Variants in ANKRD30A observed in about 807,000 individuals in gnomAD.
The protein encoded by ANKRD30A is ankyrin repeat domain 30A, also known as ankyrin repeat domain-containing protein 30A.
ANKRD30A carries 170 observed loss-of-function variants against 166.3 expected under a neutral mutation model. The ratio of observed to expected loss-of-function variants is 1.02; its 90% CI spans 0.90 to 1.16. The LOEUF (loss-of-function observed/expected upper bound fraction) is 1.16, where lower values mean the gene tolerates loss of function less well. Among genes scored for constraint, ANKRD30A ranks in the 50% most tolerant of loss-of-function variants. The pLI, the probability that ANKRD30A is intolerant of heterozygous loss-of-function variation, is 0.00. For missense variants in ANKRD30A, 1,630 were observed against 1,518.0 expected (o/e 1.07, Z -1.23); for synonymous variants, 564 against 508.9 (o/e 1.11, Z -1.46).
At chr10:37,206,634 A>G (rs2132709119) in intron 31 of ANKRD30A, among the ~76,000 whole-genome samples, 1 of 152,168 alleles carries the variant, frequency 6.6e-6, no homozygotes, top group Admixed American at 6.5e-5. Context: ...TACTAAAAAT[A>G]CAAAAATTAA....
intron 24 of ANKRD30A, among the ~76,000 whole-genome samples, chr10:37,183,888 T>A (rs1438545111): frequency 6.7e-6 from 1 of 148,836 alleles, no homozygotes; most frequent in Non-Finnish European, 1.5e-5. Flanking sequence ...GTGGCTCACG[T>A]CTGTAACGCC....
chr10:37,184,211 G>T (rs1840251143), intron 24 of ANKRD30A, among the ~76,000 whole-genome samples: 1 of 144,290 alleles, frequency 6.9e-6, no homozygotes, highest in Non-Finnish European at 1.5e-5. Context: ...CAGAGAAGAA[G>T]AAGAAAAAGA....
chr10:37,208,383 C>A (rs1473144818), intron 31 of ANKRD30A, among the ~76,000 whole-genome samples: 2 of 152,074 alleles, frequency 1.3e-5, no homozygotes, highest in Non-Finnish European at 2.9e-5. Flanking sequence ...CACAGACTTG[C>A]CGATAACCTG....
chr10:37,230,126 CA>C (rs1428333133), intron 34 of ANKRD30A, among the ~76,000 whole-genome samples: 1 of 151,644 alleles, frequency 6.6e-6, no homozygotes, highest in Non-Finnish European at 1.5e-5. Flanking sequence ...CTGAACTCTC[CA>C]AAATGAAAAC....
chr10:37,179,013 AATATAT>A (rs139390228), intron 24 of ANKRD30A, among the ~76,000 whole-genome samples: 4,390 of 115,552 alleles, frequency 0.038, 5 homozygotes, highest in South Asian at 0.062. Context: ...TGAGGCGTCA[AATATAT>A]ATATATATAT....
chr10:37,194,468 G>A (rs1418222350), intron 27 of ANKRD30A, among the ~76,000 whole-genome samples: 2 of 151,848 alleles, frequency 1.3e-5, no homozygotes, highest in African/African-American at 4.8e-5. Context: ...AGCCTCCCGA[G>A]TAGCTGGGAC....
At chr10:37,153,377 C>A (rs17590336) in intron 12 of ANKRD30A, among the ~76,000 whole-genome samples, 195 bp from the exon 13 acceptor site, 1 of 152,062 alleles carries the variant, frequency 6.6e-6, no homozygotes, top group Non-Finnish European at 1.5e-5. Flanking sequence ...ATGTAAAGAT[C>A]AGCTTGATGT....
intron 21 of ANKRD30A, among the ~76,000 whole-genome samples, chr10:37,171,749 A>G (rs1839581421): frequency 6.6e-6 from 1 of 151,064 alleles, no homozygotes; most frequent in Non-Finnish European, 1.5e-5. Flanking sequence ...TTTGTTTATA[A>G]TGAAAAGAGT....
chr10:37,199,330 G>A (rs1482760383), intron 29 of ANKRD30A, among the ~76,000 whole-genome samples: 4 of 151,982 alleles, frequency 2.6e-5, no homozygotes, highest in Non-Finnish European at 5.9e-5. Context: ...AATAGAGATT[G>A]CTGAGTCAAT....
intron 18 of ANKRD30A, among the ~76,000 whole-genome samples, chr10:37,165,798 C>T (rs1241716378): frequency 4.6e-5 from 7 of 151,996 alleles, no homozygotes; most frequent in Non-Finnish European, 1.0e-4. Context: ...GCAGCATGAG[C>T]GTCAAATCAT....
At chr10:37,246,538 T>C in the ANKRD30A span, among the ~76,000 whole-genome samples, 1 of 152,234 alleles carries the variant, frequency 6.6e-6, no homozygotes, top group East Asian at 1.9e-4. Flanking sequence ...AATTCTCTTA[T>C]AATTCTTAAA....
intron 31 of ANKRD30A, among the ~76,000 whole-genome samples, chr10:37,206,442 A>G (rs1213753169): frequency 6.6e-6 from 1 of 152,154 alleles, no homozygotes; most frequent in African/African-American, 2.4e-5. Context: ...TTTAAGTGAG[A>G]TAAATTTGAA....
chr10:37,215,371 G>T (rs1842550230), intron 31 of ANKRD30A, among the ~76,000 whole-genome samples: 1 of 151,334 alleles, frequency 6.6e-6, no homozygotes, highest in Non-Finnish European at 1.5e-5. Context: ...TGACTCACAT[G>T]CAATCTTTAT....
At chr10:37,142,343 G>A (rs1837203137) in intron 7 of ANKRD30A, 53 bp downstream of exon 7, 3 of 1,492,046 alleles carry the variant, frequency 2.0e-6, no homozygotes, top group African/African-American at 1.4e-5. Flanking sequence ...AGGTTCCCTA[G>A]TGAAAAAAGT....
chr10:37,153,458 T>A (rs1254333188), intron 12 of ANKRD30A, 114 bp from the exon 13 acceptor site: 3 of 1,506,450 alleles, frequency 2.0e-6, no homozygotes, highest in South Asian at 1.2e-5. Flanking sequence ...TAAGTCGAAT[T>A]GTTTGCAAAG....
chr10:37,210,151 C>T (rs557560048), intron 31 of ANKRD30A, among the ~76,000 whole-genome samples: 2 of 152,108 alleles, frequency 1.3e-5, no homozygotes, highest in East Asian at 1.9e-4. Flanking sequence ...TGTGATGTTC[C>T]CCTCCCTGTG....
At chr10:37,232,654 T>TTA (rs10559316), downstream of ANKRD30A, 287 of 54,166 alleles carry the variant, frequency 5.3e-3, 2 homozygotes, top group Middle Eastern at 0.012. Context: ...AGCATTGGTT[T>TTA]TATATATATA....
At chr10:37,134,743 C>T (rs2132515954) in intron 5 of ANKRD30A, among the ~76,000 whole-genome samples, 1 of 152,346 alleles carries the variant, frequency 6.6e-6, no homozygotes. Flanking sequence ...GTGAAACCCA[C>T]ATCTTAGCCT....
intron 31 of ANKRD30A, among the ~76,000 whole-genome samples, chr10:37,207,632 T>A (rs1276545261): frequency 6.6e-6 from 1 of 151,940 alleles, no homozygotes; most frequent in Non-Finnish European, 1.5e-5. Flanking sequence ...CTATTATTTT[T>A]ATATAAATTT....
Sources: allele counts gnomAD v4.1 joint callset (sites outside exome capture counted in the v4.1 genomes callset), GRCh38; gene constraint gnomAD v4.1.1; transcripts MANE v1.5; gene names NCBI Gene and HGNC (gene_info 2026-07-23, HGNC 2026-07-21).